The following ELF1 variants were observed in gnomAD, a reference collection of about 807,000 sequenced individuals.
The protein encoded by ELF1 is E74 like ETS transcription factor 1, also known as ETS-related transcription factor Elf-1.
In ELF1, 24 loss-of-function variants were observed where a neutral mutation model predicts 59.9. The observed-to-expected ratio is 0.40, with a 90% CI of 0.29 to 0.56. The LOEUF is 0.56. ELF1 is among the 20% of genes least tolerant of loss of function. ELF1 has a pLI of 0.44. For synonymous variants in ELF1, 248 were observed against 266.2 expected (o/e 0.93, Z 0.67); for missense variants, 627 against 742.2 (o/e 0.84, Z 1.80).
intron 1 of ELF1, among the ~76,000 whole-genome samples, chr13:41,008,448 C>T (rs1161699709): frequency 6.6e-6 from 1 of 152,118 alleles, no homozygotes; most frequent in Non-Finnish European, 1.5e-5. Context: ...ACCGCTTTGA[C>T]TCTGTTGGCT....
At chr13:40,939,551 C>T (rs936492582) in intron 8 of ELF1, among the ~76,000 whole-genome samples, 2 of 152,278 alleles carry the variant, frequency 1.3e-5, no homozygotes, top group African/African-American at 2.4e-5. Flanking sequence ...CCCAACCAGA[C>T]ACCCAGTCAT....
chr13:40,968,833 C>T (rs1019315574), intron 2 of ELF1, among the ~76,000 whole-genome samples: 7 of 151,950 alleles, frequency 4.6e-5, no homozygotes, highest in African/African-American at 4.8e-5. Context: ...AATCTTTCCA[C>T]CTCAGCGACA....
intron 2 of ELF1, among the ~76,000 whole-genome samples, chr13:40,969,548 A>G (rs888341252): frequency 3.9e-5 from 6 of 152,228 alleles, no homozygotes; most frequent in African/African-American, 7.2e-5. Flanking sequence ...GTAAGAGACA[A>G]TAAGTGTTCA....
In ELF1 at chr13:40,941,321, C is replaced by A; in HGVS notation, c.856G>T (p.Val286Leu). The A allele has an allele frequency of 6.2e-7, 1 of 1,612,670 alleles. No individual in the cohort carries two copies. The highest frequency in any genetic ancestry group is 8.5e-7 in the Non-Finnish European group (1 of 1,179,722). Residue 286 changes from valine to leucine, a missense_variant, in exon 8 of 9, where the codon GTG (valine) becomes TTG (leucine). Val to Leu is a conservative substitution (Grantham distance 32). Around this residue, in one of 3 missense-constraint regions of ELF1, gnomAD observed 361 missense variants for 396.1 expected, o/e 0.91. Transcript: ENST00000239882. Reference sequence around the variant, plus strand: ...TTTGGCATTTCTTTAAACTGATACACCAAGCGCTGACCTTCCACTTTTGCC... The same window carrying A: ...TTTGGCATTTCTTTAAACTGATACAACAAGCGCTGACCTTCCACTTTTGCC... ...ILAKVEGQRL[V>L]YQFKEMPKDL...
rs1876349357 is a variant in ELF1, at chr13:41,035,741, A to G, written c.-229+25097T>C. 2.0e-5 allele frequency among the ~76,000 whole-genome samples: 3 copies of G among 151,508 alleles called. No individual in the cohort carries two copies. In the South Asian group the frequency reaches 6.2e-4, roughly 32 times the overall value. ...AAGAACAAAAAGAAAAAAAAAAAAAAAGGAAAACTCCCAAAAGATTAGGGT... is the reference window on the plus strand; with the variant it reads ...AAGAACAAAAAGAAAAAAAAAAAAAGAGGAAAACTCCCAAAAGATTAGGGT... On this transcript the variant is annotated intron_variant, in intron 1 of 1. Transcript: ENST00000405737.
intron 1 of ELF1, among the ~76,000 whole-genome samples, chr13:41,011,062 CA>C (rs1351029211): frequency 6.6e-6 from 1 of 152,140 alleles, no homozygotes; most frequent in Non-Finnish European, 1.5e-5. Context: ...GCTACCATTA[CA>C]GTAAGAATTC....
At chr13:41,044,872 C>T (rs1876775170) in intron 1 of ELF1, among the ~76,000 whole-genome samples, 1 of 152,154 alleles carries the variant, frequency 6.6e-6, no homozygotes, top group Admixed American at 6.5e-5. Flanking sequence ...AGGAATGGTA[C>T]CAGCTCCTCC....
rs150651825 is a variant in ELF1, at chr13:41,060,737, G to A, written c.-229+101C>T. 987 of 166,424 alleles carry A rather than the reference G, an allele frequency of 5.9e-3. 179 individuals carry two copies. In the East Asian group the frequency reaches 0.061, roughly 10 times the overall value. 10.3% of individuals were successfully genotyped at this position (166,424 alleles called of 1,614,324 possible). A position where few individuals can be genotyped will look rare whatever the true frequency, so the allele number is the denominator to read the frequency against. ...CAAAAAAAAAGAAAAATAAGGAAGC[G>A]TTCCCATACCGGGAGTCGAACCCGG... On this transcript the variant is annotated intron_variant, in intron 1 of 1. Coordinates refer to the ELF1 transcript ENST00000405737.
Position 40,958,966 on chromosome 13 carries a change from A to G in ELF1, c.123T>C (p.Gly41=). ...CGGCATAACTATTGAGAATATCAGC[A>G]CCAGGAACATGTTCCACAATTACGG... is the stretch of plus-strand genomic sequence containing the variant. ...FPAVIVEHVP[G]ADILNSYAGL... Residue 41 remains glycine, a synonymous_variant, in exon 3 of 9, where the codon GGT becomes GGC. Coordinates refer to ENST00000239882, the MANE Select transcript of ELF1 (RefSeq NM_172373.4). 2 of 1,613,752 alleles carry G rather than the reference A, an allele frequency of 1.2e-6. No individual in the cohort carries two copies. Among genetic ancestry groups the G allele is most frequent in the Non-Finnish European group, 8.5e-7 (1 of 1,179,864 alleles).
At chr13:40,942,613 C>T (rs1281933849) in intron 7 of ELF1, among the ~76,000 whole-genome samples, 1 of 152,114 alleles carries the variant, frequency 6.6e-6, no homozygotes, top group African/African-American at 2.4e-5. Context: ...CTCAACCTCC[C>T]GGGCTCAGGT....
At chr13:41,022,802 C>T (rs139686875), upstream of ELF1, among the ~76,000 whole-genome samples, 1,085 of 152,262 alleles carry the variant, frequency 7.1e-3, 8 homozygotes, top group Middle Eastern at 0.027. Context: ...TCGCTTGAAC[C>T]TGGGAGGTGG....
At chr13:40,992,027 A>G (rs1873881681) in intron 1 of ELF1, among the ~76,000 whole-genome samples, 1 of 152,206 alleles carries the variant, frequency 6.6e-6, no homozygotes, top group South Asian at 2.1e-4. Context: ...AAAATAGGGG[A>G]AAGTGCATTA....
chr13:41,042,598 G>A (rs1272810668), intron 1 of ELF1, among the ~76,000 whole-genome samples: 1 of 152,028 alleles, frequency 6.6e-6, no homozygotes, highest in African/African-American at 2.4e-5. Context: ...TGAGAATGAT[G>A]GTTTCCAGCT....
intron 1 of ELF1, among the ~76,000 whole-genome samples, chr13:41,041,303 T>C (rs1280647903): frequency 6.7e-6 from 1 of 150,172 alleles, no homozygotes; most frequent in Non-Finnish European, 1.5e-5. Context: ...CCGAACTGTA[T>C]AAGCAGACGA....
intron 3 of ELF1, among the ~76,000 whole-genome samples, chr13:40,953,848 G>A (rs970427163): frequency 1.3e-5 from 2 of 152,212 alleles, no homozygotes; most frequent in African/African-American, 2.4e-5. Context: ...GGTAAGTTGG[G>A]AGGTAAGGCA....
chr13:41,034,666 AT>A (rs1225595485), intron 1 of ELF1, among the ~76,000 whole-genome samples: 1 of 152,090 alleles, frequency 6.6e-6, no homozygotes, highest in Non-Finnish European at 1.5e-5. Flanking sequence ...TATACGACTT[AT>A]TAGCCATAAT....
At chr13:41,032,939 C>T (rs1876230714) in intron 1 of ELF1, among the ~76,000 whole-genome samples, 1 of 151,882 alleles carries the variant, frequency 6.6e-6, no homozygotes, top group African/African-American at 2.4e-5. Context: ...AATGTTAAGT[C>T]ATAATGTCCT....
intron 2 of ELF1, among the ~76,000 whole-genome samples, chr13:40,967,516 C>T (rs889736392): frequency 2.0e-5 from 3 of 152,142 alleles, no homozygotes; most frequent in African/African-American, 4.8e-5. Context: ...ATGATTAAAG[C>T]CCTTCAATAT....
chr13:41,054,232 C>T (rs1196945234), intron 1 of ELF1, among the ~76,000 whole-genome samples: 1 of 152,166 alleles, frequency 6.6e-6, no homozygotes, highest in Non-Finnish European at 1.5e-5. Context: ...ATTTTAGATT[C>T]CCTTTATTTA....
Sources: gnomAD v4.1 joint callset for allele counts (sites outside exome capture counted in the v4.1 genomes callset) on GRCh38, gnomAD v4.1.1 for gene constraint, gnomAD v4.1.1 regional missense constraint, MANE v1.5 for transcripts, NCBI Gene and HGNC (gene_info 2026-07-23, HGNC 2026-07-21) for gene names.